The following COL5A1 variants were observed in gnomAD, a reference collection of about 807,000 sequenced individuals.
COL5A1 encodes the protein collagen alpha-1(V) chain.
A neutral mutation model predicts 263.7 loss-of-function variants in COL5A1; 16 were observed. That is an observed-to-expected ratio of 0.06 (90% CI 0.04 to 0.09). The LOEUF is 0.09. COL5A1 is among the 10% of genes least tolerant of loss of function. The pLI, the probability that COL5A1 is intolerant of heterozygous loss-of-function variation, is 1.00. For synonymous variants in COL5A1, 1,012 were observed against 1,004.5 expected, an observed-to-expected ratio of 1.01 and a Z score of -0.14; for missense variants, 2,036 against 2,540.5, an observed-to-expected ratio of 0.80 and a Z score of 4.27.
At chr9:134,748,464 GGGAGACACTGACCCCAAA>G (rs1191742602) in intron 11 of COL5A1, among the ~76,000 whole-genome samples, 3 of 152,190 alleles carry the variant, frequency 2.0e-5, no homozygotes, top group African/African-American at 7.2e-5. Flanking sequence ...GCTTGTCCTT[GGGAGACACTGACCCCAAA>G]TCTTAAATGC....
At chr9:134,808,947 C>T (rs893255717) in intron 42 of COL5A1, 1 of 584,008 alleles carries the variant, frequency 1.7e-6, no homozygotes, top group African/African-American at 1.9e-5. Context: ...AAAAGAGCAG[C>T]CTTTCCTAGG....
intron 4 of COL5A1, among the ~76,000 whole-genome samples, chr9:134,718,013 G>A (rs79249561): frequency 6.6e-6 from 1 of 152,006 alleles, no homozygotes; most frequent in Non-Finnish European, 1.5e-5. Flanking sequence ...GGGCTGGGGG[G>A]CCGCGGCCAC....
intron 32 of COL5A1, 21 bp from the exon 33 acceptor site, chr9:134,795,061 C>T (rs1457181745): frequency 6.2e-6 from 10 of 1,613,466 alleles, no homozygotes; most frequent in Non-Finnish European, 8.5e-6. Context: ...AGTGACTGAC[C>T]AGCCCCTTCT....
intron 52 of COL5A1, 107 bp from the exon 53 acceptor site, chr9:134,816,919 C>T (rs1278187657): frequency 1.7e-5 from 18 of 1,033,022 alleles, no homozygotes; most frequent in Non-Finnish European, 2.4e-5. Flanking sequence ...GAGAGGCGGC[C>T]GCAGGGCTGG....
intron 25 of COL5A1, among the ~76,000 whole-genome samples, chr9:134,772,135 C>T (rs548492560): frequency 4.3e-4 from 66 of 152,270 alleles, no homozygotes; most frequent in African/African-American, 1.3e-3. Context: ...GGTGGAGACC[C>T]GAGGGTGTGG....
At chr9:134,738,433 G>A (rs1835180912) in intron 9 of COL5A1, 41 bp from the exon 10 acceptor site, 1 of 1,613,258 alleles carries the variant, frequency 6.2e-7, no homozygotes. Context: ...TGTCGGGAGG[G>A]ATGGGCTGCG....
chr9:134,816,708 AAG>A (rs1838759486), intron 52 of COL5A1, among the ~76,000 whole-genome samples: 1 of 152,180 alleles, frequency 6.6e-6, no homozygotes, highest in South Asian at 2.1e-4. Flanking sequence ...CCTTCTGTGA[AAG>A]GGGATGCCAG....
At position 134,682,225 on chromosome 9, in the gene COL5A1, G is replaced by C. The variant is rs1021514916; in HGVS notation, c.110-8687G>C. Among the ~76,000 whole-genome samples, 1 of 152,176 alleles carries C rather than the reference G, an allele frequency of 6.6e-6. No homozygotes were observed. Among genetic ancestry groups the C allele is most frequent in the Non-Finnish European group, 1.5e-5 (1 of 68,032 alleles). ...GGCTGGACTGGGTGTCCCCAGAGCC[G>C]ACAGCACTATTCGGCTGGGTGCCAG... On this transcript the variant is annotated intron_variant, in intron 1 of 65. Transcript: ENST00000371817. This position sits in a 1 kb window ranked among gnomAD's most constrained non-coding sequence, Gnocchi z 5.1.
rs1239362940 is a variant in COL5A1, at chr9:134,716,129, C to G, written c.655-11137C>G. Among the ~76,000 whole-genome samples the G allele has an allele frequency of 6.6e-6, 1 of 152,070 alleles. No individual in the cohort carries two copies. Among genetic ancestry groups the G allele is most frequent in the Non-Finnish European group, 1.5e-5 (1 of 68,010 alleles). ...GCTGGTGGTGGCTGTGGAGGCTGTG[C>G]TAGTGGATGCTGATTGCTCTGGGGA... On this transcript the variant is annotated intron_variant, in intron 4 of 65. Transcript: ENST00000371817. The surrounding 1 kb of genome is among the most constrained non-coding windows in gnomAD (Gnocchi z 4.5).
At chr9:134,777,564 A>G (rs1837098786) in intron 27 of COL5A1, among the ~76,000 whole-genome samples, 1 of 152,022 alleles carries the variant, frequency 6.6e-6, no homozygotes, top group Non-Finnish European at 1.5e-5. Context: ...TAGGACCGGG[A>G]GGGGTCTCAG....
chr9:134,796,849 G>C lies in COL5A1; in HGVS notation c.2846G>C (p.Gly949Ala). ...AAACTGGCCTTTCTCTGTTCCCAGG[G>C]ACCCAATGGACCCCAAGGACCCACA... is the stretch of plus-strand genomic sequence containing the variant. Reference protein sequence around the residue: ...DGPAGPPGERGPNGPQGPTGF... With the variant: ...DGPAGPPGERAPNGPQGPTGF... The change falls in exon 36 of 66, where the codon GGA becomes GCA. Residue 949 changes from glycine to alanine, a missense_variant and splice_region_variant. Around this residue, in one of 3 missense-constraint regions of COL5A1, gnomAD observed 1,078 missense variants for 1,521.4 expected, o/e 0.71. Coordinates refer to ENST00000371817, the MANE Select transcript of COL5A1 (RefSeq NM_000093.5). 6.2e-7 allele frequency: 1 copy of C among 1,614,150 alleles called. No individual in the cohort carries two copies. The highest frequency in any genetic ancestry group is 8.5e-7 in the Non-Finnish European group (1 of 1,179,966).
At chr9:134,801,788 G>GAA (rs35171316) in intron 37 of COL5A1, among the ~76,000 whole-genome samples, 166 bp from the exon 38 acceptor site, 85 of 132,618 alleles carry the variant, frequency 6.4e-4, no homozygotes, top group African/African-American at 7.7e-4. Flanking sequence ...CTCTCCATCT[G>GAA]AAAAAAAAAA....
chr9:134,828,506 A>G (rs989451283), intron 63 of COL5A1, among the ~76,000 whole-genome samples: 2 of 151,124 alleles, frequency 1.3e-5, no homozygotes, highest in Non-Finnish European at 2.9e-5. Context: ...CACACCACAC[A>G]TACCACACAG....
At chr9:134,785,217 G>A (rs1179148642) in intron 30 of COL5A1, 121 bp downstream of exon 30, 6 of 716,464 alleles carry the variant, frequency 8.4e-6, no homozygotes, top group East Asian at 5.3e-5. Context: ...ATTCCTGAGC[G>A]GGCTCCTGTC....
rs370347232 is a variant in COL5A1 at position 134,810,190 on chromosome 9, G to A, written c.3475-65G>A. The A allele has an allele frequency of 8.5e-4, 1,329 of 1,562,718 alleles. 1 individual carries two copies. Among genetic ancestry groups the A allele is most frequent in the Non-Finnish European group, 1.1e-3 (1,284 of 1,133,280 alleles). On this transcript the variant is annotated intron_variant, in intron 43 of 65. Coordinates refer to ENST00000371817, the MANE Select transcript of COL5A1 (RefSeq NM_000093.5). ...TTAATCTCCAAGAAAAATTCATTACGGGGAACAGAAAAGGTCCAAACGGTT... is the reference window on the plus strand; with the variant it reads ...TTAATCTCCAAGAAAAATTCATTACAGGGAACAGAAAAGGTCCAAACGGTT...
At chr9:134,822,728 C>CCCG (rs71499198) in intron 59 of COL5A1, among the ~76,000 whole-genome samples, 1 of 151,366 alleles carries the variant, frequency 6.6e-6, no homozygotes. Context: ...GCGCCCCCCC[C>CCCG]GCGGCTGTCT....
rs73664129 is a variant in COL5A1, at chr9:134,753,692, C to G, written c.1720-158C>G. 0.21 allele frequency among the ~76,000 whole-genome samples: 31,761 copies of G among 151,962 alleles called. 3,512 individuals are homozygous for G. The highest frequency in any genetic ancestry group is 0.34 in the East Asian group (1,757 of 5,124). On this transcript the variant is annotated intron_variant, in intron 14 of 65. Transcript: ENST00000371817. ...TCCTGGAAAGTCATCGTTCTTCCCC[C>G]CGGTTCTGTTCGAGGCAGACAGGTC...
chr9:134,649,102 G>C (rs1160652363), intron 1 of COL5A1, among the ~76,000 whole-genome samples: 1 of 152,088 alleles, frequency 6.6e-6, no homozygotes, highest in African/African-American at 2.4e-5. Flanking sequence ...CGGGGTGTGG[G>C]GGGGGCTTTG....
chr9:134,766,561 T>A, intron 22 of COL5A1, 63 bp downstream of exon 22: 1 of 1,535,828 alleles, frequency 6.5e-7, no homozygotes, highest in Non-Finnish European at 9.0e-7. Flanking sequence ...ACTCCTTGCC[T>A]GGCTAGGGAG....
Sources: gnomAD v4.1 joint callset for allele counts (sites outside exome capture counted in the v4.1 genomes callset) on GRCh38, gnomAD v4.1.1 for gene constraint, gnomAD v4.1.1 regional missense constraint, Gnocchi (gnomAD v3.1) non-coding constraint, MANE v1.5 for transcripts, NCBI Gene and HGNC (gene_info 2026-07-23, HGNC 2026-07-21) for gene names.